The following CTTNBP2 variants were observed in gnomAD, a reference collection of about 807,000 sequenced individuals.
CTTNBP2 encodes cortactin-binding protein 2.
A neutral mutation model predicts 156.9 loss-of-function variants in CTTNBP2; 108 were observed. That is an observed-to-expected ratio of 0.69 (90% CI 0.59 to 0.81). The LOEUF (loss-of-function observed/expected upper bound fraction) is 0.81, where lower values mean the gene tolerates loss of function less well. Among genes scored for constraint, CTTNBP2 ranks in the 30% least tolerant of loss-of-function variants. The probability of loss-of-function intolerance (pLI) is 0.00; values close to 1 mark genes in which losing one functional copy is unlikely to be tolerated. For missense variants in CTTNBP2, 1,924 were observed against 2,035.4 expected (o/e 0.95, Z 1.05); for synonymous variants, 767 against 751.8 (o/e 1.02, Z -0.33).
intron 12 of CTTNBP2, among the ~76,000 whole-genome samples, chr7:117,753,990 A>G (rs150460046): frequency 4.9e-4 from 74 of 152,332 alleles, no homozygotes; most frequent in Non-Finnish European, 7.9e-4. Context: ...ACACACATCA[A>G]TGTGCCTGTA....
In CTTNBP2 at chr7:117,777,704, A is replaced by G. The variant is rs984650904; in HGVS notation, c.2585T>C (p.Leu862Pro). The change falls in exon 8 of 23, where the codon CTT becomes CCT. Residue 862 changes from leucine to proline, a missense_variant. Leu to Pro is a moderately conservative substitution (Grantham distance 98, BLOSUM62 -3). Coordinates refer to ENST00000160373, the MANE Select transcript of CTTNBP2 (RefSeq NM_033427.3). ...ATGAGCTGGTATTCTATGGTACATA[A>G]GAAGCTTGAGGCTGTCCACATTACC... ...DTGNVDSLKL[L>P]MYHRIPAHGN... 2.5e-6 allele frequency: 4 copies of G among 1,614,098 alleles called. No homozygotes were observed. Among genetic ancestry groups the G allele is most frequent in the Non-Finnish European group, 3.4e-6 (4 of 1,179,938 alleles).
At chr7:117,746,455 A>G (rs1057077401) in intron 12 of CTTNBP2, among the ~76,000 whole-genome samples, 1 of 152,188 alleles carries the variant, frequency 6.6e-6, no homozygotes, top group African/African-American at 2.4e-5. Context: ...TTTATGTGGA[A>G]TTTTGTCAAT....
intron 2 of CTTNBP2, among the ~76,000 whole-genome samples, chr7:117,817,343 A>T (rs1190507084): frequency 2.1e-5 from 1 of 46,538 alleles, no homozygotes; most frequent in Non-Finnish European, 4.3e-5. Flanking sequence ...CAAAAAAAAA[A>T]AAAAAAAAAA....
rs972359197 is a variant in CTTNBP2 at position 117,802,112 on chromosome 7, G to T, written c.414+8653C>A. On this transcript the variant is annotated intron_variant, in intron 3 of 22. Coordinates refer to ENST00000160373, the MANE Select transcript of CTTNBP2 (RefSeq NM_033427.3). Reference sequence around the variant, plus strand: ...GTGATATTCCCCTTCATGTGTCCATGTGATCTCATTGTTCAATTCCCACCT... The same window carrying T: ...GTGATATTCCCCTTCATGTGTCCATTTGATCTCATTGTTCAATTCCCACCT... Among the ~76,000 whole-genome samples the T allele has an allele frequency of 3.7e-4, 49 of 132,904 alleles. No individual in the cohort carries two copies. The East Asian group carries it at 0.011, about 29-fold the overall frequency. 87.2% of individuals were successfully genotyped at this position (132,904 alleles called of 152,430 possible). A position where few individuals can be genotyped will look rare whatever the true frequency, so the allele number is the denominator to read the frequency against.
At chr7:117,871,415 G>A (rs1216444368) in intron 1 of CTTNBP2, among the ~76,000 whole-genome samples, 1 of 152,154 alleles carries the variant, frequency 6.6e-6, no homozygotes, top group East Asian at 1.9e-4. Flanking sequence ...ACTAGATGAA[G>A]AATCCTTATT....
chr7:117,829,693 T>C (rs1209465235), intron 2 of CTTNBP2, among the ~76,000 whole-genome samples: 2 of 152,182 alleles, frequency 1.3e-5, no homozygotes, highest in Admixed American at 1.3e-4. Flanking sequence ...TGTGCTACAG[T>C]AAATGCCCCA....
At chr7:117,726,857 T>C (rs964620251) in intron 17 of CTTNBP2, among the ~76,000 whole-genome samples, 1 of 152,092 alleles carries the variant, frequency 6.6e-6, no homozygotes, top group Non-Finnish European at 1.5e-5. Flanking sequence ...GCCTGCTGTG[T>C]TGTGGGTGAT....
chr7:117,743,539 T>C (rs933792061), intron 14 of CTTNBP2, among the ~76,000 whole-genome samples: 3 of 151,490 alleles, frequency 2.0e-5, no homozygotes, highest in Non-Finnish European at 4.4e-5. Context: ...CCTCAGAAAG[T>C]TGTGAGTTAA....
intron 14 of CTTNBP2, among the ~76,000 whole-genome samples, chr7:117,744,285 T>G (rs976962508): frequency 7.2e-6 from 1 of 138,598 alleles, no homozygotes; most frequent in African/African-American, 3.5e-5. Flanking sequence ...ATTCTTTCTA[T>G]TTTTTCAGAA....
intron 2 of CTTNBP2, among the ~76,000 whole-genome samples, chr7:117,824,182 T>TTG (rs1158676072): frequency 6.6e-6 from 1 of 150,510 alleles, no homozygotes; most frequent in Non-Finnish European, 1.5e-5. Context: ...ACTTTCTGGT[T>TTG]TTTTTTTTTA....
At chr7:117,838,931 A>G in intron 2 of CTTNBP2, among the ~76,000 whole-genome samples, 1 of 111,566 alleles carries the variant, frequency 9.0e-6, no homozygotes. Context: ...TGATTTCCAC[A>G]TTTTTGTTGA....
intron 21 of CTTNBP2, among the ~76,000 whole-genome samples, chr7:117,718,488 T>C (rs1285177233): frequency 3.3e-5 from 5 of 152,132 alleles, no homozygotes; most frequent in African/African-American, 1.2e-4. Context: ...TAAATAAGAG[T>C]GAATTCTACT....
chr7:117,752,058 T>G (rs1244411220), intron 12 of CTTNBP2, among the ~76,000 whole-genome samples: 1 of 152,196 alleles, frequency 6.6e-6, no homozygotes, highest in East Asian at 1.9e-4. Flanking sequence ...GAGCTGGCCC[T>G]CTGCTACCAG....
intron 12 of CTTNBP2, chr7:117,755,657 G>A (rs2116619114): frequency 1.6e-5 from 7 of 435,992 alleles, no homozygotes; most frequent in South Asian, 1.2e-4. Context: ...CATATTGCCT[G>A]GCATGTAGTA....
At chr7:117,733,910 C>A (rs1338313675) in intron 16 of CTTNBP2, among the ~76,000 whole-genome samples, 1 of 152,136 alleles carries the variant, frequency 6.6e-6, no homozygotes, top group African/African-American at 2.4e-5. Context: ...TGGGATGAAA[C>A]CAGTTTTAGT....
intron 12 of CTTNBP2, among the ~76,000 whole-genome samples, chr7:117,747,321 T>C (rs370711676): frequency 3.1e-4 from 47 of 152,256 alleles, no homozygotes; most frequent in African/African-American, 9.6e-4. Flanking sequence ...AAAAGGCCCA[T>C]CCTTTATGGT....
intron 14 of CTTNBP2, among the ~76,000 whole-genome samples, chr7:117,742,551 C>T (rs1418977259): frequency 6.6e-6 from 1 of 152,018 alleles, no homozygotes; most frequent in East Asian, 1.9e-4. Context: ...GTGAAGAATG[C>T]TCAGGGAGAA....
chr7:117,811,097 G>GT (rs1800248755), intron 2 of CTTNBP2, 108 bp from the exon 3 acceptor site: 1 of 794,224 alleles, frequency 1.3e-6, no homozygotes, highest in Admixed American at 2.4e-5. Flanking sequence ...CTCAACTGCT[G>GT]TGAGTAATGG....
intron 2 of CTTNBP2, among the ~76,000 whole-genome samples, chr7:117,827,064 G>A (rs1458766887): frequency 6.6e-6 from 1 of 151,954 alleles, no homozygotes; most frequent in Non-Finnish European, 1.5e-5. Context: ...TCACCATGTT[G>A]GGCAGGCTGG....
Sources: gnomAD v4.1 joint callset for allele counts (sites outside exome capture counted in the v4.1 genomes callset) on GRCh38, gnomAD v4.1.1 for gene constraint, MANE v1.5 for transcripts, NCBI Gene and HGNC (gene_info 2026-07-23, HGNC 2026-07-21) for gene names.